Variants in SPEM2 observed in about 807,000 individuals in gnomAD.
The protein encoded by SPEM2 is SPEM family member 2.
SPEM2 carries 15 observed loss-of-function variants against 9.3 expected under a neutral mutation model. That is an observed-to-expected ratio of 1.62 (90% confidence interval 1.08 to 2.50). SPEM2 has a LOEUF of 2.50. Ranked by LOEUF, SPEM2 falls within the 30% of genes most tolerant of loss-of-function variation. SPEM2 has a pLI of 0.00. For synonymous variants in SPEM2, 268 were observed against 272.4 expected (o/e 0.98, Z 0.16); for missense variants, 678 against 690.0 (o/e 0.98, Z 0.19).
chr17:7,426,118 G>A lies in SPEM2; in HGVS notation c.196+68G>A, dbSNP rs1907585611. On this transcript the variant is annotated intron_variant, in intron 2 of 2. Coordinates refer to ENST00000333870, the MANE Select transcript of SPEM2 (RefSeq NM_175734.5). This position sits in a 1 kb window ranked among gnomAD's most constrained non-coding sequence, Gnocchi z 5.3. Reference sequence around the variant, plus strand: ...CCCTGACAATGGCCCTAGAAACCCAGGCCCCAGTGTTCCCAACCTTGAGCT... The same window carrying A: ...CCCTGACAATGGCCCTAGAAACCCAAGCCCCAGTGTTCCCAACCTTGAGCT... 4 of 1,613,596 alleles carry A rather than the reference G, an allele frequency of 2.5e-6. No individual in the cohort carries two copies. The African/African-American group carries it at 5.3e-5, about 22-fold the overall frequency.
chr17:7,426,109 A>G lies in SPEM2; in HGVS notation c.196+59A>G. On this transcript the variant is annotated intron_variant, in intron 2 of 2. Coordinates refer to ENST00000333870, the MANE Select transcript of SPEM2 (RefSeq NM_175734.5). The surrounding 1 kb of genome is among the most constrained non-coding windows in gnomAD (Gnocchi z 5.3). ...CATCCCCACCCCTGACAATGGCCCT[A>G]GAAACCCAGGCCCCAGTGTTCCCAA... The G allele has an allele frequency of 6.2e-7, 1 of 1,613,254 alleles. No individual in the cohort carries two copies. The highest frequency in any genetic ancestry group is 8.5e-7 in the Non-Finnish European group (1 of 1,179,232).
In SPEM2 at chr17:7,426,389, G is replaced by A. The variant is rs76686847; in HGVS notation, c.398G>A (p.Arg133His). The A allele has an allele frequency of 2.7e-4, 431 of 1,613,488 alleles. 2 individuals carry two copies. The East Asian group carries it at 6.4e-3, about 24-fold the overall frequency. The change falls in exon 3 of 3, where the codon CGT becomes CAT. Residue 133 changes from arginine (R) to histidine (H), a missense_variant. By Grantham distance (29) the Arg-to-His change is conservative (BLOSUM62 0). Coordinates refer to ENST00000333870, the MANE Select transcript of SPEM2 (RefSeq NM_175734.5). The surrounding 1 kb of genome is among the most constrained non-coding windows in gnomAD (Gnocchi z 5.3). ...CVRRRRRRHR[R>H]CRRRCCNHQQ... ...CGTCGCCGCCGCCGCCGCCACCGCC[G>A]TTGTCGCCGTCGCTGCTGCAACCAC...
intron 1 of SPEM2, 41 bp from the exon 2 acceptor site, chr17:7,425,952 C>A (rs765699691): frequency 1.2e-6 from 2 of 1,612,986 alleles, no homozygotes; most frequent in East Asian, 2.2e-5. Context: ...TGGTGCTGGG[C>A]GCGGAGGGCC....
At chr17:7,425,954 C>A in intron 1 of SPEM2, 39 bp from the exon 2 acceptor site, 1 of 1,613,482 alleles carries the variant, frequency 6.2e-7, no homozygotes, top group South Asian at 1.1e-5. Context: ...GTGCTGGGCG[C>A]GGAGGGCCTG....
In SPEM2 at chr17:7,426,807, GGCT is replaced by G; in HGVS notation, c.818_820del (p.Ala273del). On this transcript the variant is annotated inframe_deletion, in exon 3 of 3. Coordinates refer to ENST00000333870, the MANE Select transcript of SPEM2 (RefSeq NM_175734.5). The surrounding 1 kb of genome is among the most constrained non-coding windows in gnomAD (Gnocchi z 5.3). ...AATCCCGACTGTGGGGCAATGTGGA[GGCT>G]GAGCAGTGGGCCTCGTCTCCACCAC... The G allele has an allele frequency of 3.1e-6, 5 of 1,606,056 alleles. No individual in the cohort carries two copies. Among genetic ancestry groups the G allele is most frequent in the Non-Finnish European group, 4.3e-6 (5 of 1,175,456 alleles).
rs1329713582 is a variant in SPEM2, at chr17:7,425,974, C to T, written c.139-19C>T. ...GGGCGCGGAGGGCCTGGCCTTCACTCTCTTCCACCCTGCCCCAGATGTGGC... is the reference window on the plus strand; with the variant it reads ...GGGCGCGGAGGGCCTGGCCTTCACTTTCTTCCACCCTGCCCCAGATGTGGC... On this transcript the variant is annotated intron_variant, in intron 1 of 2. Transcript: ENST00000333870. 8.7e-6 allele frequency: 14 copies of T among 1,614,014 alleles called. No individual in the cohort carries two copies. The highest frequency in any genetic ancestry group is 8.5e-7 in the Non-Finnish European group (1 of 1,179,992).
chr17:7,425,626 G>T lies in SPEM2; in HGVS notation c.-63G>T. The T allele has an allele frequency of 2.0e-6, 3 of 1,537,694 alleles. No homozygotes were observed. Among genetic ancestry groups the T allele is most frequent in the Non-Finnish European group, 2.6e-6 (3 of 1,137,448 alleles). On this transcript the variant is annotated 5_prime_UTR_variant, in exon 1 of 3. Coordinates refer to ENST00000333870, the MANE Select transcript of SPEM2 (RefSeq NM_175734.5). ...CCGGGGATTGGCATGAGTGCAGTGT[G>T]GGTTGGGGCCGGGGGTGGGGGGCAG...
In SPEM2 at chr17:7,426,534, G is replaced by A. The variant is rs200521832; in HGVS notation, c.543G>A (p.Pro181=). ...HRVPFFDQED[P]DSYLEEEDNL... is the part of the protein sequence containing the mutation. Reference sequence around the variant, plus strand: ...TGCCTTTCTTTGATCAGGAGGACCCGGATTCCTACCTGGAGGAGGAGGACA... The same window carrying A: ...TGCCTTTCTTTGATCAGGAGGACCCAGATTCCTACCTGGAGGAGGAGGACA... The change falls in exon 3 of 3, where the codon CCG becomes CCA. Residue 181 remains proline (P), a synonymous_variant. Transcript: ENST00000333870. The surrounding 1 kb of genome is among the most constrained non-coding windows in gnomAD (Gnocchi z 5.3). 464 of 1,614,012 alleles carry A rather than the reference G, an allele frequency of 2.9e-4. 2 individuals are homozygous for A. The highest frequency in any genetic ancestry group is 1.9e-4 in the Non-Finnish European group (227 of 1,180,044).
At position 7,426,785 on chromosome 17, in the gene SPEM2, C is replaced by A; in HGVS notation, c.794C>A (p.Ser265Tyr). The A allele has an allele frequency of 3.1e-6, 5 of 1,602,710 alleles. No individual in the cohort carries two copies. Among genetic ancestry groups the A allele is most frequent in the Non-Finnish European group, 4.3e-6 (5 of 1,173,394 alleles). The change falls in exon 3 of 3, where the codon TCC becomes TAC. Residue 265 changes from serine (S) to tyrosine (Y), a missense_variant. By Grantham distance (144) the Ser-to-Tyr change is moderately radical. Coordinates refer to ENST00000333870, the MANE Select transcript of SPEM2 (RefSeq NM_175734.5). This position sits in a 1 kb window ranked among gnomAD's most constrained non-coding sequence, Gnocchi z 5.3. ...LQSYGRHGSQ[S>Y]RLWGNVEAEQ... is the part of the protein sequence containing the mutation. ...TCCTATGGGCGCCACGGTTCCCAAT[C>A]CCGACTGTGGGGCAATGTGGAGGCT...
rs751636242 is a variant in SPEM2 at position 7,426,366 on chromosome 17, TCGCCGCCGC to T, written c.383_391del (p.Arg128_Arg130del). On this transcript the variant is annotated inframe_deletion, in exon 3 of 3. Coordinates refer to ENST00000333870, the MANE Select transcript of SPEM2 (RefSeq NM_175734.5). This position sits in a 1 kb window ranked among gnomAD's most constrained non-coding sequence, Gnocchi z 5.3. ...GTAGCAGTCTTCTTCGCTGTGTTCG[TCGCCGCCGC>T]CGCCGCCACCGCCGTTGTCGCCGTC... The T allele has an allele frequency of 9.9e-6, 16 of 1,613,726 alleles. No homozygotes were observed. Among genetic ancestry groups the T allele is most frequent in the African/African-American group, 6.7e-5 (5 of 75,024 alleles).
Position 7,425,669 on chromosome 17 carries a change from G to C in SPEM2, c.-20G>C. The C allele has an allele frequency of 1.6e-5, 26 of 1,610,866 alleles. No individual in the cohort carries two copies. The highest frequency in any genetic ancestry group is 2.1e-5 in the Non-Finnish European group (25 of 1,178,062). On this transcript the variant is annotated 5_prime_UTR_variant, in exon 1 of 3. Coordinates refer to ENST00000333870, the MANE Select transcript of SPEM2 (RefSeq NM_175734.5). ...GGGGGCAGAGGGGGGTGGCCCAGGTGGCCCTAGGACCCCCCCTCCATGGAA... is the reference window on the plus strand; with the variant it reads ...GGGGGCAGAGGGGGGTGGCCCAGGTCGCCCTAGGACCCCCCCTCCATGGAA...
In SPEM2 at chr17:7,425,708, A is replaced by G. The variant is rs955116170; in HGVS notation, c.20A>G (p.His7Arg). MENQLW[H>R]NTVRCCNQYQ... ...CCCTCCATGGAAAACCAGCTATGGC[A>G]TAACACCGTGAGATGTTGCAATCAA... Residue 7 changes from histidine to arginine, a missense_variant, in exon 1 of 3, where the codon CAT (histidine) becomes CGT (arginine). Physicochemically the swap from His to Arg is conservative, Grantham distance 29 (BLOSUM62 0). Transcript: ENST00000333870. 6.2e-7 allele frequency: 1 copy of G among 1,614,136 alleles called. No individual in the cohort carries two copies. Among genetic ancestry groups the G allele is most frequent in the Non-Finnish European group, 8.5e-7 (1 of 1,179,976 alleles).
rs1221718669 is a variant in SPEM2, at chr17:7,426,317, G to A, written c.326G>A (p.Cys109Tyr). 1 of 1,614,114 alleles carries A rather than the reference G, an allele frequency of 6.2e-7. No individual in the cohort carries two copies. Among genetic ancestry groups the A allele is most frequent in the Non-Finnish European group, 8.5e-7 (1 of 1,180,032 alleles). ...CCCACGCAGTACTCCTCTTTCTCCT[G>A]CCACCATTTCTCCAACCATCACAGT... ...SRPTQYSSFS[C>Y]HHFSNHHSSS... Residue 109 changes from cysteine (C) to tyrosine (Y), a missense_variant, in exon 3 of 3, where the codon TGC becomes TAC. Transcript: ENST00000333870. This position sits in a 1 kb window ranked among gnomAD's most constrained non-coding sequence, Gnocchi z 5.3.
chr17:7,427,459 C>T lies in SPEM2; in HGVS notation c.1468C>T (p.Pro490Ser), dbSNP rs751504429. The change falls in exon 3 of 3, where the codon CCC (proline) becomes TCC (serine). Residue 490 changes from proline to serine, a missense_variant. Transcript: ENST00000333870. The surrounding 1 kb of genome is among the most constrained non-coding windows in gnomAD (Gnocchi z 5.4). ...LPPASTSTLR[P>S]SLHRSQTEKL... ...ACCGGCTTCCACCTCCACCTTGAGG[C>T]CCTCTCTGCACAGGAGCCAGACCGA... The T allele has an allele frequency of 1.2e-6, 2 of 1,600,230 alleles. No homozygotes were observed. Among genetic ancestry groups the T allele is most frequent in the Non-Finnish European group, 1.7e-6 (2 of 1,172,066 alleles).
In SPEM2 at chr17:7,426,977, C is replaced by T. The variant is rs1485122376; in HGVS notation, c.986C>T (p.Ser329Phe). The change falls in exon 3 of 3, where the codon TCC becomes TTC. Residue 329 changes from serine (S) to phenylalanine (F), a missense_variant. Transcript: ENST00000333870. The surrounding 1 kb of genome is among the most constrained non-coding windows in gnomAD (Gnocchi z 5.3). The part of the protein sequence containing the change: ...EGFERPPASV[S>F]RNARPEAQGC... ...TTTGAGCGCCCCCCTGCCTCGGTGTCCCGGAACGCCCGGCCTGAGGCCCAG... is the reference window on the plus strand; with the variant it reads ...TTTGAGCGCCCCCCTGCCTCGGTGTTCCGGAACGCCCGGCCTGAGGCCCAG... The T allele has an allele frequency of 6.2e-7, 1 of 1,611,528 alleles. No individual in the cohort carries two copies. Among genetic ancestry groups the T allele is most frequent in the South Asian group, 1.1e-5 (1 of 91,022 alleles).
chr17:7,427,293 G>T lies in SPEM2; in HGVS notation c.1302G>T (p.Gln434His), dbSNP rs1356156666. The change falls in exon 3 of 3, where the codon CAG becomes CAT. Residue 434 changes from glutamine to histidine, a missense_variant. Transcript: ENST00000333870. The surrounding 1 kb of genome is among the most constrained non-coding windows in gnomAD (Gnocchi z 5.4). ...CCTCCCAGCCCTGGCCCAAAGTCCAGGCTGCGGACCCTGCCCCTCCCCCGA... is the reference window on the plus strand; with the variant it reads ...CCTCCCAGCCCTGGCCCAAAGTCCATGCTGCGGACCCTGCCCCTCCCCCGA... ...PHSSQPWPKV[Q>H]AADPAPPPTM... 6.2e-7 allele frequency: 1 copy of T among 1,614,008 alleles called. No individual in the cohort carries two copies.
rs755224918 is a variant in SPEM2 at position 7,426,147 on chromosome 17, C to T, written c.197-41C>T. ...CCAGTGTTCCCAACCTTGAGCTCTT[C>T]TGACAATTGCCCTGACTTCATGGAC... On this transcript the variant is annotated intron_variant, in intron 2 of 2. Coordinates refer to ENST00000333870, the MANE Select transcript of SPEM2 (RefSeq NM_175734.5). This position sits in a 1 kb window ranked among gnomAD's most constrained non-coding sequence, Gnocchi z 5.3. The T allele has an allele frequency of 4.0e-5, 64 of 1,613,790 alleles. No homozygotes were observed. In the South Asian group the frequency reaches 6.4e-4, roughly 16 times the overall value.
chr17:7,425,681 C>G lies in SPEM2; in HGVS notation c.-8C>G. The G allele has an allele frequency of 6.2e-7, 1 of 1,613,172 alleles. No individual in the cohort carries two copies. The highest frequency in any genetic ancestry group is 8.5e-7 in the Non-Finnish European group (1 of 1,179,440). Reference sequence around the variant, plus strand: ...GGGTGGCCCAGGTGGCCCTAGGACCCCCCCTCCATGGAAAACCAGCTATGG... The same window carrying G: ...GGGTGGCCCAGGTGGCCCTAGGACCGCCCCTCCATGGAAAACCAGCTATGG... On this transcript the variant is annotated 5_prime_UTR_variant, in exon 1 of 3. Coordinates refer to ENST00000333870, the MANE Select transcript of SPEM2 (RefSeq NM_175734.5).
chr17:7,427,246 A>G lies in SPEM2; in HGVS notation c.1255A>G (p.Ser419Gly). The change falls in exon 3 of 3, where the codon AGC (serine) becomes GGC (glycine). Residue 419 changes from serine (S) to glycine (G), a missense_variant. Coordinates refer to ENST00000333870, the MANE Select transcript of SPEM2 (RefSeq NM_175734.5). The surrounding 1 kb of genome is among the most constrained non-coding windows in gnomAD (Gnocchi z 5.4). ...CTCCCATCAACGGACCCCAGCTCCAAGCTCAGTGCTGGTCCCCCATTCCTC... is the reference window on the plus strand; with the variant it reads ...CTCCCATCAACGGACCCCAGCTCCAGGCTCAGTGCTGGTCCCCCATTCCTC... The part of the protein sequence containing the change: ...EASHQRTPAP[S>G]SVLVPHSSQP... 1.2e-6 allele frequency: 2 copies of G among 1,614,172 alleles called. No individual in the cohort carries two copies. Among genetic ancestry groups the G allele is most frequent in the Non-Finnish European group, 1.7e-6 (2 of 1,180,018 alleles).
Sources: allele counts gnomAD v4.1 joint callset, GRCh38; gene constraint gnomAD v4.1.1; non-coding constraint Gnocchi (gnomAD v3.1); transcripts MANE v1.5; gene names NCBI Gene and HGNC (gene_info 2026-07-23, HGNC 2026-07-21).